PATL1: variants seen among roughly 807,000 people sequenced by gnomAD.
PATL1 encodes the protein protein PAT1 homolog 1.
A neutral mutation model predicts 100.6 loss-of-function variants in PATL1; 32 were observed. The observed-to-expected ratio is 0.32, with a 90% CI of 0.24 to 0.43. The LOEUF is 0.43. Among genes scored for constraint, PATL1 ranks in the 20% least tolerant of loss-of-function variants. PATL1 has a pLI of 1.00. For missense variants in PATL1, 747 were observed against 949.9 expected (o/e 0.79, Z 2.81); for synonymous variants, 332 against 330.0 (o/e 1.01, Z -0.07).
rs1565128978 is a variant in PATL1 at position 59,638,132 on chromosome 11, C to T, written c.*258G>A. ...AGGGCAAAGAAAATGCAAAACAGAA[C>T]TGAGTAAAAGTAGGACATGCAGAAC... is the stretch of plus-strand genomic sequence containing the variant. On this transcript the variant is annotated 3_prime_UTR_variant, in exon 19 of 19. Coordinates refer to ENST00000300146, the MANE Select transcript of PATL1 (RefSeq NM_152716.3). 2 of 528,086 alleles carry T rather than the reference C, an allele frequency of 3.8e-6. No individual in the cohort carries two copies. The highest frequency in any genetic ancestry group is 6.8e-6 in the Non-Finnish European group (2 of 293,520). The allele number at this position is 528,086 out of a possible 1,614,324, so 32.7% of individuals were successfully genotyped here.
chr11:59,659,171 GATAAA>G, intron 3 of PATL1, 76 bp downstream of exon 3: 3 of 1,236,938 alleles, frequency 2.4e-6, no homozygotes, highest in Non-Finnish European at 3.4e-6. Context: ...CATTATAATA[GATAAA>G]ATAAAATGGC....
chr11:59,637,137 G>A lies in PATL1; in HGVS notation c.*1253C>T, dbSNP rs1182005124. The A allele has an allele frequency of 6.6e-6, 1 of 152,176 alleles. No individual in the cohort carries two copies. The highest frequency in any genetic ancestry group is 1.5e-5 in the Non-Finnish European group (1 of 67,990). 9.4% of individuals were successfully genotyped at this position (152,176 alleles called of 1,614,324 possible). A position where few individuals can be genotyped will look rare whatever the true frequency, so the allele number is the denominator to read the frequency against. ...AAAGTAAGAACAGCAGAAAGATCAC[G>A]AAGGCCATGTAAAATTAATTCAGAT... On this transcript the variant is annotated 3_prime_UTR_variant, in exon 19 of 19. Coordinates refer to ENST00000300146, the MANE Select transcript of PATL1 (RefSeq NM_152716.3).
chr11:59,638,348 G>A lies in PATL1; in HGVS notation c.*42C>T. 1 of 1,593,586 alleles carries A rather than the reference G, an allele frequency of 6.3e-7. No individual in the cohort carries two copies. The highest frequency in any genetic ancestry group is 8.6e-7 in the Non-Finnish European group (1 of 1,162,738). ...CTCCATTGGTGATGGCAGCAGTGCA[G>A]GTGGCAGCCAAAAGGAGGTACAGGA... is the stretch of plus-strand genomic sequence containing the variant. On this transcript the variant is annotated 3_prime_UTR_variant, in exon 19 of 19. Coordinates refer to ENST00000300146, the MANE Select transcript of PATL1 (RefSeq NM_152716.3).
chr11:59,665,735 G>A (rs577720759), intron 2 of PATL1, among the ~76,000 whole-genome samples: 3 of 152,210 alleles, frequency 2.0e-5, no homozygotes, highest in Non-Finnish European at 4.4e-5. Flanking sequence ...GCAGTGAGCC[G>A]AGATCATGCT....
rs748019832 is a variant in PATL1 at position 59,652,064 on chromosome 11, CAAAAAAAAAA to C, written c.1426+390_1426+399del. Among the ~76,000 whole-genome samples, 15 of 52,996 alleles carry C rather than the reference CAAAAAAAAAA, an allele frequency of 2.8e-4. 1 individual carries two copies. Among genetic ancestry groups the C allele is most frequent in the East Asian group, 1.3e-3 (2 of 1,498 alleles). 34.8% of individuals were successfully genotyped at this position (52,996 alleles called of 152,430 possible). A position where few individuals can be genotyped will look rare whatever the true frequency, so the allele number is the denominator to read the frequency against. On this transcript the variant is annotated intron_variant, in intron 11 of 18. Coordinates refer to ENST00000300146, the MANE Select transcript of PATL1 (RefSeq NM_152716.3). ...TGGACAACAGAGTAAGGCTCTTTCT[CAAAAAAAAAA>C]AAAAAAAAAAAAAAAAAAGACAAAA...
chr11:59,639,442 T>G (rs1861243500), intron 16 of PATL1, 59 bp from the exon 17 acceptor site: 2 of 1,287,634 alleles, frequency 1.6e-6, no homozygotes, highest in South Asian at 1.3e-5. Context: ...CCTCCACCAC[T>G]GTTGAAGGGA....
At chr11:59,659,983 A>T (rs1012839632) in intron 2 of PATL1, among the ~76,000 whole-genome samples, 3 of 152,242 alleles carry the variant, frequency 2.0e-5, no homozygotes, top group Non-Finnish European at 4.4e-5. Context: ...ACATTATACC[A>T]GGAATAAAAT....
intron 4 of PATL1, 90 bp from the exon 5 acceptor site, chr11:59,657,814 T>C (rs1590702398): frequency 1.1e-6 from 1 of 906,334 alleles, no homozygotes; most frequent in East Asian, 3.0e-5. Context: ...CCTTAAGAAA[T>C]TTTTTTAACT....
chr11:59,650,995 CTA>C (rs1185072797), intron 12 of PATL1, among the ~76,000 whole-genome samples, 182 bp from the exon 13 acceptor site: 1 of 152,156 alleles, frequency 6.6e-6, no homozygotes, highest in African/African-American at 2.4e-5. Context: ...AATCCACAAA[CTA>C]TTAAATTCCA....
intron 14 of PATL1, among the ~76,000 whole-genome samples, chr11:59,648,698 A>G (rs1861399123): frequency 6.6e-6 from 1 of 152,182 alleles, no homozygotes; most frequent in East Asian, 1.9e-4. Context: ...TTTCCATGTC[A>G]ATAAATATAT....
At chr11:59,650,293 A>G (rs1422804735) in intron 13 of PATL1, among the ~76,000 whole-genome samples, 1 of 152,252 alleles carries the variant, frequency 6.6e-6, no homozygotes, top group African/African-American at 2.4e-5. Flanking sequence ...TCTAGAGTCC[A>G]TACTTTCAAC....
chr11:59,640,367 T>C (rs1223546372), intron 16 of PATL1, among the ~76,000 whole-genome samples: 1 of 147,870 alleles, frequency 6.8e-6, no homozygotes, highest in Admixed American at 6.8e-5. Context: ...AAGTAACATA[T>C]AAAAATGTGT....
chr11:59,640,457 T>G (rs752051864), intron 16 of PATL1, among the ~76,000 whole-genome samples: 1 of 152,034 alleles, frequency 6.6e-6, no homozygotes, highest in Non-Finnish European at 1.5e-5. Flanking sequence ...TGGTGGCTCA[T>G]GCATGTAATC....
intron 2 of PATL1, among the ~76,000 whole-genome samples, chr11:59,659,832 G>A (rs1371799960): frequency 6.6e-6 from 1 of 151,814 alleles, no homozygotes; most frequent in Non-Finnish European, 1.5e-5. Context: ...GAGCCACCAC[G>A]CCCGGCCTAC....
intron 16 of PATL1, among the ~76,000 whole-genome samples, chr11:59,641,092 A>C (rs558001071): frequency 7.9e-5 from 12 of 151,952 alleles, no homozygotes; most frequent in Admixed American, 2.6e-4. Flanking sequence ...AACTGCTTGA[A>C]CCTGGGAGGC....
At chr11:59,640,886 C>T (rs533062231) in intron 16 of PATL1, among the ~76,000 whole-genome samples, 1 of 151,544 alleles carries the variant, frequency 6.6e-6, no homozygotes, top group African/African-American at 2.4e-5. Flanking sequence ...AAAAATCAAT[C>T]GGAGGCTGGG....
chr11:59,652,988 A>G lies in PATL1; in HGVS notation c.1152T>C (p.Asp384=), dbSNP rs763026011. The G allele has an allele frequency of 1.2e-6, 2 of 1,613,808 alleles. No individual in the cohort carries two copies. The highest frequency in any genetic ancestry group is 1.7e-6 in the Non-Finnish European group (2 of 1,179,846). ...SQHRNLNGAG[D]RGSHRSSHQD... Reference sequence around the variant, plus strand: ...GATGACTGCTCCGGTGACTTCCTCTATCTCCCGCACCATTGAGATTCCGAT... The same window carrying G: ...GATGACTGCTCCGGTGACTTCCTCTGTCTCCCGCACCATTGAGATTCCGAT... The change falls in exon 10 of 19, where the codon GAT becomes GAC. Residue 384 remains aspartate, a synonymous_variant. Coordinates refer to ENST00000300146, the MANE Select transcript of PATL1 (RefSeq NM_152716.3).
chr11:59,665,208 G>C (rs1243651072), intron 2 of PATL1, among the ~76,000 whole-genome samples: 1 of 152,174 alleles, frequency 6.6e-6, no homozygotes, highest in African/African-American at 2.4e-5. Flanking sequence ...GTTTATTCAA[G>C]TCAGTCTAAG....
rs1166555521 is a variant in PATL1, at chr11:59,655,544, C to T, written c.1010G>A (p.Gly337Glu). 5 of 1,581,116 alleles carry T rather than the reference C, an allele frequency of 3.2e-6. No homozygotes were observed. In the East Asian group the frequency reaches 6.9e-5, roughly 22 times the overall value. The stretch of plus-strand genomic sequence containing the variant: ...ATACCTTAGGTTTTGCAGGTGGGGT[C>T]CTGGGCCAGGAGGGTGCTGCTGTGG... ...PPPQQHPPGPGPHLQNLRSQA... is the reference protein window; with the variant it reads ...PPPQQHPPGPEPHLQNLRSQA... The change falls in exon 8 of 19, where the codon GGA becomes GAA. Residue 337 changes from glycine to glutamate, a missense_variant. Physicochemically the swap from Gly to Glu is moderately conservative, Grantham distance 98. This residue lies in a region of PATL1 where 434 missense variants were observed against 596.1 expected (regional missense o/e 0.73). Coordinates refer to ENST00000300146, the MANE Select transcript of PATL1 (RefSeq NM_152716.3).
Sources: gnomAD v4.1 joint callset for allele counts (sites outside exome capture counted in the v4.1 genomes callset) on GRCh38, gnomAD v4.1.1 for gene constraint, gnomAD v4.1.1 regional missense constraint, MANE v1.5 for transcripts, NCBI Gene and HGNC (gene_info 2026-07-23, HGNC 2026-07-21) for gene names.